Variants in RNF212B observed in about 807,000 individuals in gnomAD.
The protein encoded by RNF212B is ring finger protein 212B.
A neutral mutation model predicts 55.5 loss-of-function variants in RNF212B; 52 were observed. The ratio of observed to expected loss-of-function variants is 0.94; its 90% CI spans 0.75 to 1.18. The LOEUF is 1.18. Ranked by LOEUF, RNF212B falls within the 50% of genes most tolerant of loss-of-function variation. The pLI is 0.00. For missense variants in RNF212B, 289 were observed against 350.4 expected (o/e 0.82, Z 1.40); for synonymous variants, 99 against 121.4 (o/e 0.82, Z 1.21).
At chr14:23,191,999 G>A (rs898032076) in intron 1 of RNF212B, among the ~76,000 whole-genome samples, 3 of 152,204 alleles carry the variant, frequency 2.0e-5, no homozygotes, top group Non-Finnish European at 4.4e-5. Flanking sequence ...TTCAGGCCAT[G>A]CATTCAAGAA....
intron 11 of RNF212B, among the ~76,000 whole-genome samples, chr14:23,266,236 C>T (rs1379924471): frequency 1.3e-5 from 2 of 150,632 alleles, no homozygotes; most frequent in Admixed American, 1.3e-4. Context: ...TGGGATTATA[C>T]CCATGCTGAT....
intron 2 of RNF212B, among the ~76,000 whole-genome samples, chr14:23,212,639 T>A (rs1179429422): frequency 6.6e-6 from 1 of 151,988 alleles, no homozygotes; most frequent in Non-Finnish European, 1.5e-5. Flanking sequence ...TGGAGTGCAG[T>A]GGCGCAGTCT....
chr14:23,258,690 G>C, intron 5 of RNF212B, 26 bp downstream of exon 5: 33 of 859,318 alleles, frequency 3.8e-5, no homozygotes, highest in African/African-American at 4.9e-5. Flanking sequence ...AGTCCCAAGA[G>C]AGCTTTTTTT....
chr14:23,227,618 T>C (rs1469670397), intron 2 of RNF212B, among the ~76,000 whole-genome samples: 3 of 152,144 alleles, frequency 2.0e-5, no homozygotes, highest in African/African-American at 7.2e-5. Context: ...TTTGTTTGTT[T>C]TGAGACTAGT....
chr14:23,229,457 A>G (rs1882366032), intron 2 of RNF212B, among the ~76,000 whole-genome samples: 1 of 151,720 alleles, frequency 6.6e-6, no homozygotes, highest in Admixed American at 6.6e-5. Context: ...CTTTTTGAGG[A>G]GCCACCAAAT....
At chr14:23,264,482 A>G in intron 10 of RNF212B, 141 bp from the exon 11 acceptor site, 1 of 703,266 alleles carries the variant, frequency 1.4e-6, no homozygotes, top group South Asian at 2.4e-5. Context: ...GAAGGAGTAA[A>G]GTATGGATCT....
intron 2 of RNF212B, among the ~76,000 whole-genome samples, chr14:23,210,191 T>C (rs1254401654): frequency 1.3e-5 from 2 of 151,956 alleles, no homozygotes; most frequent in Non-Finnish European, 2.9e-5. Context: ...TATGACTAAG[T>C]TGAATCATGA....
At position 23,197,975 on chromosome 14, in the gene RNF212B, G is replaced by T. The variant is rs561036629; in HGVS notation, c.-2+4574G>T. 4.7e-3 allele frequency among the ~76,000 whole-genome samples: 717 copies of T among 152,224 alleles called. 5 individuals carry two copies. The highest frequency in any genetic ancestry group is 0.016 in the African/African-American group (672 of 41,532). The stretch of plus-strand genomic sequence containing the variant: ...TCTCACAAAGTACATTCTTAAGGGC[G>T]GGGGAGATTACAAAGTACATTGATC... On this transcript the variant is annotated intron_variant, in intron 2 of 15. Transcript: ENST00000399910.
chr14:23,208,255 C>T (rs1383844499), intron 2 of RNF212B, among the ~76,000 whole-genome samples: 1 of 152,194 alleles, frequency 6.6e-6, no homozygotes, highest in Non-Finnish European at 1.5e-5. Context: ...GATGTGGTGG[C>T]TCACACTTGT....
At chr14:23,205,590 A>G (rs1267412885) in intron 2 of RNF212B, among the ~76,000 whole-genome samples, 2 of 152,304 alleles carry the variant, frequency 1.3e-5, no homozygotes, top group African/African-American at 4.8e-5. Context: ...AACTGACTCC[A>G]TATTGCTCTT....
chr14:23,239,352 G>A (rs958594175), intron 1 of RNF212B, among the ~76,000 whole-genome samples: 1 of 152,092 alleles, frequency 6.6e-6, no homozygotes, highest in Non-Finnish European at 1.5e-5. Flanking sequence ...GAGACACCAT[G>A]CTTGGCCTGA....
intron 2 of RNF212B, among the ~76,000 whole-genome samples, chr14:23,208,759 T>TTTTTTTTTC (rs1880122761): frequency 8.1e-6 from 1 of 123,018 alleles, no homozygotes; most frequent in African/African-American, 3.5e-5. Flanking sequence ...TGGTTGCCGT[T>TTTTTTTTTC]TTTTTTTTTT....
intron 2 of RNF212B, among the ~76,000 whole-genome samples, chr14:23,241,034 C>T (rs555127430): frequency 6.6e-6 from 1 of 152,072 alleles, no homozygotes; most frequent in African/African-American, 2.4e-5. Context: ...ACTTAAATTT[C>T]AGTGTCTTTT....
intron 1 of RNF212B, chr14:23,188,348 T>C (rs1354783085): frequency 6.6e-6 from 1 of 152,220 alleles, no homozygotes; most frequent in Non-Finnish European, 1.5e-5. Context: ...CAATCTGTCA[T>C]GGGGCCTTAA....
At chr14:23,212,094 C>CT (rs1196498466) in intron 2 of RNF212B, among the ~76,000 whole-genome samples, 1 of 152,184 alleles carries the variant, frequency 6.6e-6, no homozygotes, top group African/African-American at 2.4e-5. Flanking sequence ...CCAATCCTGA[C>CT]TTTAAAAAAA....
chr14:23,187,383 C>T (rs1333155230), intron 1 of RNF212B, among the ~76,000 whole-genome samples: 1 of 152,090 alleles, frequency 6.6e-6, no homozygotes, highest in Non-Finnish European at 1.5e-5. Flanking sequence ...AGGTCTCACT[C>T]TGTCACCCAG....
intron 2 of RNF212B, among the ~76,000 whole-genome samples, chr14:23,213,725 A>T (rs1384657488): frequency 6.6e-6 from 1 of 152,192 alleles, no homozygotes; most frequent in Non-Finnish European, 1.5e-5. Context: ...AAATGAAGAA[A>T]GAAAGAGAGA....
At chr14:23,197,530 A>C (rs8009590) in intron 2 of RNF212B, among the ~76,000 whole-genome samples, 123,474 of 152,058 alleles carry the variant, frequency 0.81, 50,425 homozygotes, top group Middle Eastern at 0.87. Flanking sequence ...CATCTCAAAA[A>C]TAATTTTCAC....
chr14:23,250,660 A>C (rs569467525), intron 4 of RNF212B, among the ~76,000 whole-genome samples: 1 of 152,254 alleles, frequency 6.6e-6, no homozygotes, highest in African/African-American at 2.4e-5. Context: ...GACAAGTCTC[A>C]GTTAATTTAG....
Sources: gnomAD v4.1 joint callset for allele counts (sites outside exome capture counted in the v4.1 genomes callset) on GRCh38, gnomAD v4.1.1 for gene constraint, MANE v1.5 for transcripts, NCBI Gene and HGNC (gene_info 2026-07-23, HGNC 2026-07-21) for gene names.